Variants in ERBB4 observed in about 807,000 individuals in gnomAD.
ERBB4 encodes erb-b2 receptor tyrosine kinase 4.
A neutral mutation model predicts 158.0 loss-of-function variants in ERBB4; 42 were observed. The ratio of observed to expected loss-of-function variants is 0.27; its 90% CI spans 0.21 to 0.34. The LOEUF is 0.34. Ranked by LOEUF, ERBB4 falls within the 10% of genes least tolerant of loss-of-function variation. ERBB4 has a pLI of 1.00. For synonymous variants in ERBB4, 583 were observed against 558.7 expected, an observed-to-expected ratio of 1.04 and a Z score of -0.61; for missense variants, 1,333 against 1,624.1, an observed-to-expected ratio of 0.82 and a Z score of 3.08.
chr2:211,939,890 T>C (rs952077309), intron 3 of ERBB4, among the ~76,000 whole-genome samples: 3 of 150,312 alleles, frequency 2.0e-5, no homozygotes, highest in African/African-American at 7.4e-5. Flanking sequence ...GAGCTTGCAG[T>C]GAGCTGAGAT....
chr2:211,594,652 A>G (rs999782400), intron 19 of ERBB4, among the ~76,000 whole-genome samples: 2 of 152,180 alleles, frequency 1.3e-5, no homozygotes, highest in African/African-American at 4.8e-5. Flanking sequence ...GATATTCACA[A>G]TGATATCCTA....
intron 1 of ERBB4, among the ~76,000 whole-genome samples, chr2:212,135,838 T>G (rs1256888453): frequency 2.0e-5 from 3 of 152,190 alleles, no homozygotes; most frequent in Non-Finnish European, 2.9e-5. Flanking sequence ...AACAAACAAT[T>G]TCCACTCATC....
Position 211,380,816 on chromosome 2 carries a change from G to A in ERBB4, c.*2799C>T. On this transcript the variant is annotated 3_prime_UTR_variant, in exon 28 of 28. Transcript: ENST00000342788. The stretch of plus-strand genomic sequence containing the variant: ...AGTCTTGTGTTCTTAGGAGGAAAGA[G>A]ACATTCACTAAATACATTTCTGTTA... 4.3e-6 allele frequency: 1 copy of A among 231,888 alleles called. No individual in the cohort carries two copies. Among genetic ancestry groups the A allele is most frequent in the Non-Finnish European group, 8.5e-6 (1 of 117,248 alleles). The allele number at this position is 231,888 out of a possible 1,614,324, so 14.4% of individuals were successfully genotyped here.
intron 2 of ERBB4, among the ~76,000 whole-genome samples, chr2:212,050,940 C>G (rs1457794295): frequency 6.6e-6 from 1 of 152,148 alleles, no homozygotes; most frequent in Non-Finnish European, 1.5e-5. Context: ...GAAGGTACAC[C>G]TGCAAGCTTC....
rs73087374 is a variant in ERBB4 at position 212,034,015 on chromosome 2, T to C, written c.235-86399A>G. 3.6e-3 allele frequency among the ~76,000 whole-genome samples: 550 copies of C among 152,040 alleles called. 2 individuals are homozygous for C. The highest frequency in any genetic ancestry group is 0.013 in the African/African-American group (522 of 41,552). ...GAAGAAAACACAACCCTTTAAACAA[T>C]TGCAGATTTAATGAAGTGTAGACCC... On this transcript the variant is annotated intron_variant, in intron 2 of 27. Coordinates refer to ENST00000342788, the MANE Select transcript of ERBB4 (RefSeq NM_005235.3).
chr2:212,507,739 G>C (rs1187718991), intron 1 of ERBB4, among the ~76,000 whole-genome samples: 1 of 152,122 alleles, frequency 6.6e-6, no homozygotes. Flanking sequence ...GATGAACAAA[G>C]AAAGTTGTTT....
At chr2:212,060,798 C>T (rs900385975) in intron 2 of ERBB4, among the ~76,000 whole-genome samples, 20 of 148,410 alleles carry the variant, frequency 1.3e-4, no homozygotes, top group Admixed American at 3.4e-4. Flanking sequence ...CATCACACAC[C>T]GGGGCCTGTC....
At chr2:211,446,432 T>G (rs1271098920) in intron 20 of ERBB4, among the ~76,000 whole-genome samples, 1 of 152,126 alleles carries the variant, frequency 6.6e-6, no homozygotes, top group African/African-American at 2.4e-5. Context: ...AAAAATAACT[T>G]CGTAGAAATA....
At chr2:212,152,103 C>A (rs532716149) in intron 1 of ERBB4, among the ~76,000 whole-genome samples, 4 of 152,104 alleles carry the variant, frequency 2.6e-5, no homozygotes, top group African/African-American at 9.6e-5. Context: ...GATCATAAGG[C>A]TCTATTGTTT....
chr2:212,534,882 C>T (rs1014400725), intron 1 of ERBB4, among the ~76,000 whole-genome samples: 4 of 152,172 alleles, frequency 2.6e-5, no homozygotes, highest in African/African-American at 9.7e-5. Flanking sequence ...TGCAAACTTA[C>T]TGTGTTCAGG....
In ERBB4 at chr2:211,665,506, A is replaced by T. The variant is rs781032846; in HGVS notation, c.1717-29T>A. The stretch of plus-strand genomic sequence containing the variant: ...AAATGTGAAAACGAAAAAAAAAGAA[A>T]AAAGAAAAGTGGTGTCATTTCCTCT... On this transcript the variant is annotated intron_variant, in intron 14 of 27. Transcript: ENST00000342788. 2.5e-6 allele frequency: 4 copies of T among 1,610,744 alleles called. No individual in the cohort carries two copies. In the East Asian group the frequency reaches 6.7e-5, roughly 27 times the overall value.
At chr2:212,005,254 G>A (rs773391716) in intron 2 of ERBB4, among the ~76,000 whole-genome samples, 21 of 152,198 alleles carry the variant, frequency 1.4e-4, no homozygotes, top group South Asian at 4.2e-4. Context: ...AGCAGAACTC[G>A]AAATTTTGCC....
chr2:211,876,825 T>C (rs919737258), intron 3 of ERBB4, among the ~76,000 whole-genome samples: 1 of 152,176 alleles, frequency 6.6e-6, no homozygotes, highest in South Asian at 2.1e-4. Context: ...TTGTAATCAG[T>C]TTTTAAAATG....
intron 1 of ERBB4, among the ~76,000 whole-genome samples, chr2:212,394,523 T>C (rs139145680): frequency 3.3e-5 from 5 of 152,266 alleles, no homozygotes; most frequent in African/African-American, 1.2e-4. Flanking sequence ...TATTCATTTT[T>C]AAAATGTGCA....
At chr2:211,887,105 C>G (rs769829426) in intron 3 of ERBB4, among the ~76,000 whole-genome samples, 1 of 152,150 alleles carries the variant, frequency 6.6e-6, no homozygotes, top group Admixed American at 6.6e-5. Flanking sequence ...TATGCCAACT[C>G]TCATTGTTTT....
At chr2:211,576,742 A>G (rs1340363204) in intron 19 of ERBB4, among the ~76,000 whole-genome samples, 1 of 152,128 alleles carries the variant, frequency 6.6e-6, no homozygotes, top group Non-Finnish European at 1.5e-5. Flanking sequence ...TAGTAATTAT[A>G]ATTATAAATG....
In ERBB4 at chr2:211,382,732, A is replaced by G. The variant is rs1178805648; in HGVS notation, c.*883T>C. On this transcript the variant is annotated 3_prime_UTR_variant, in exon 28 of 28. Coordinates refer to ENST00000342788, the MANE Select transcript of ERBB4 (RefSeq NM_005235.3). Reference sequence around the variant, plus strand: ...TAGTGTCATTTATGGAGAAAAAAAAATGTTGAAAAATGTAAAGGATGAGGG... The same window carrying G: ...TAGTGTCATTTATGGAGAAAAAAAAGTGTTGAAAAATGTAAAGGATGAGGG... 1 of 232,668 alleles carries G rather than the reference A, an allele frequency of 4.3e-6. No homozygotes were observed. Among genetic ancestry groups the G allele is most frequent in the Non-Finnish European group, 8.5e-6 (1 of 117,690 alleles). The allele number at this position is 232,668 out of a possible 1,614,324, so 14.4% of individuals were successfully genotyped here. A position where few individuals can be genotyped will look rare whatever the true frequency, so the allele number is the denominator to read the frequency against.
At chr2:212,259,174 T>C (rs1038876871) in intron 1 of ERBB4, among the ~76,000 whole-genome samples, 7 of 152,210 alleles carry the variant, frequency 4.6e-5, no homozygotes, top group Admixed American at 4.6e-4. Context: ...AATGTCAATA[T>C]TTTCTTTAGT....
chr2:212,520,303 T>C (rs1692083925), intron 1 of ERBB4, among the ~76,000 whole-genome samples: 1 of 151,960 alleles, frequency 6.6e-6, no homozygotes, highest in African/African-American at 2.4e-5. Context: ...TGAAACTACA[T>C]GAAAACTTCA....
Sources: gnomAD v4.1 joint callset for allele counts (sites outside exome capture counted in the v4.1 genomes callset) on GRCh38, gnomAD v4.1.1 for gene constraint, MANE v1.5 for transcripts, NCBI Gene and HGNC (gene_info 2026-07-23, HGNC 2026-07-21) for gene names.